Variants in MCTP1 observed in about 807,000 individuals in gnomAD.
The protein encoded by MCTP1 is multiple C2 and transmembrane domain-containing protein 1.
Under a neutral mutation model 120.6 loss-of-function variants are expected in MCTP1, and 69 were observed. The observed-to-expected ratio is 0.57, with a 90% CI of 0.47 to 0.70. MCTP1 has a LOEUF of 0.70. Ranked by LOEUF, MCTP1 falls within the 30% of genes least tolerant of loss-of-function variation. The pLI is 0.00. For synonymous variants in MCTP1, 529 were observed against 493.1 expected (o/e 1.07, Z -0.96); for missense variants, 1,203 against 1,248.8 (o/e 0.96, Z 0.55).
At chr5:94,755,753 G>A (rs1769660011) in intron 19 of MCTP1, among the ~76,000 whole-genome samples, 1 of 152,100 alleles carries the variant, frequency 6.6e-6, no homozygotes, top group African/African-American at 2.4e-5. Context: ...CCACAGAACT[G>A]TCCTCGGCCC....
intron 1 of MCTP1, among the ~76,000 whole-genome samples, chr5:95,173,469 A>T (rs1237366824): frequency 1.3e-5 from 2 of 152,136 alleles, no homozygotes; most frequent in Non-Finnish European, 2.9e-5. Context: ...CTAATAACTC[A>T]CCTCAAGTAT....
chr5:95,115,629 A>T (rs1757770419), intron 1 of MCTP1, among the ~76,000 whole-genome samples: 1 of 152,136 alleles, frequency 6.6e-6, no homozygotes, highest in Non-Finnish European at 1.5e-5. Context: ...GCATGCCTAC[A>T]GATTCTAGAA....
chr5:94,710,278 C>T (rs1756399903), intron 21 of MCTP1: 1 of 152,032 alleles, frequency 6.6e-6, no homozygotes, highest in African/African-American at 2.4e-5. Flanking sequence ...AAAAAAATCA[C>T]CTTTGATGTA....
At chr5:95,062,702 C>T (rs1749553958) in intron 1 of MCTP1, among the ~76,000 whole-genome samples, 1 of 152,208 alleles carries the variant, frequency 6.6e-6, no homozygotes, top group Admixed American at 6.5e-5. Context: ...ATTCAATAGG[C>T]ACACAGAAAT....
At chr5:95,267,607 A>G (rs1479469478) in intron 1 of MCTP1, among the ~76,000 whole-genome samples, 1 of 152,218 alleles carries the variant, frequency 6.6e-6, no homozygotes, top group Non-Finnish European at 1.5e-5. Flanking sequence ...CTACTTCCCT[A>G]TCTCTTTACA....
In MCTP1 at chr5:95,061,408, GTTTTTT is replaced by G. The variant is rs556663513; in HGVS notation, c.721-43930_721-43925del. On this transcript the variant is annotated intron_variant, in intron 1 of 22. Transcript: ENST00000515393. ...ATCAATTTTCACAAACCCCTTAAGG[GTTTTTT>G]TTTTTTTTTTTTTTTTTTTTTTTTT... Among the ~76,000 whole-genome samples the G allele has an allele frequency of 1.9e-3, 62 of 33,462 alleles. 13 individuals are homozygous for G. Among genetic ancestry groups the G allele is most frequent in the Admixed American group, 2.5e-3 (7 of 2,806 alleles). 22.0% of individuals were successfully genotyped at this position (33,462 alleles called of 152,430 possible).
chr5:94,838,476 T>C (rs1935515438), intron 17 of MCTP1, among the ~76,000 whole-genome samples: 2 of 151,980 alleles, frequency 1.3e-5, no homozygotes, highest in South Asian at 4.2e-4. Context: ...CTCTTGGATC[T>C]CCGAGAAGAT....
At chr5:94,896,769 C>A (rs2153409118) in intron 10 of MCTP1, among the ~76,000 whole-genome samples, 1 of 152,252 alleles carries the variant, frequency 6.6e-6, no homozygotes, top group South Asian at 2.1e-4. Context: ...AGTTACTGTT[C>A]CCCATACTGG....
intron 17 of MCTP1, among the ~76,000 whole-genome samples, chr5:94,831,000 C>T (rs1466561486): frequency 2.0e-5 from 3 of 152,046 alleles, no homozygotes; most frequent in Non-Finnish European, 2.9e-5. Flanking sequence ...AAAACATTAA[C>T]AAATTAAAGA....
rs149226614 is a variant in MCTP1, at chr5:95,068,559, T to C, written c.721-51075A>G. ...TAATTTTCTATAGTGTCTAACACTC[T>C]GGGACACTTGGGGAACAGTAAATGT... On this transcript the variant is annotated intron_variant, in intron 1 of 22. Transcript: ENST00000515393. Among the ~76,000 whole-genome samples, 34 of 152,358 alleles carry C rather than the reference T, an allele frequency of 2.2e-4. 1 individual carries two copies. The East Asian group carries it at 6.5e-3, about 29-fold the overall frequency.
intron 21 of MCTP1, chr5:94,710,599 G>T (rs1380766127): frequency 8.8e-6 from 4 of 454,302 alleles, no homozygotes; most frequent in Non-Finnish European, 1.6e-5. Context: ...CATGTTTATA[G>T]TATGATGAAG....
chr5:94,790,405 T>A (rs1251320724), intron 18 of MCTP1, among the ~76,000 whole-genome samples: 1 of 152,198 alleles, frequency 6.6e-6, no homozygotes, highest in Non-Finnish European at 1.5e-5. Flanking sequence ...ATGGATGTTA[T>A]CCCGTGGCTG....
At chr5:95,178,075 T>C (rs975309500) in intron 1 of MCTP1, among the ~76,000 whole-genome samples, 1 of 152,090 alleles carries the variant, frequency 6.6e-6, no homozygotes, top group African/African-American at 2.4e-5. Context: ...GTGACTGCCG[T>C]CTTTCCCCCA....
chr5:95,034,267 G>A (rs1156781628), intron 1 of MCTP1, among the ~76,000 whole-genome samples: 1 of 151,768 alleles, frequency 6.6e-6, no homozygotes, highest in Non-Finnish European at 1.5e-5. Context: ...AATATCCAAA[G>A]CAATCCTAAG....
intron 1 of MCTP1, among the ~76,000 whole-genome samples, chr5:95,197,819 A>G (rs1750563697): frequency 1.3e-5 from 2 of 152,146 alleles, no homozygotes; most frequent in Admixed American, 1.3e-4. Context: ...TCCCACAGAT[A>G]CCAAAATCTA....
chr5:94,866,077 T>C (rs900651286), intron 17 of MCTP1, among the ~76,000 whole-genome samples: 1 of 151,950 alleles, frequency 6.6e-6, no homozygotes, highest in Admixed American at 6.6e-5. Flanking sequence ...TTTGCTACAA[T>C]AGTACTAAGC....
chr5:94,897,667 C>A (rs960374774), intron 10 of MCTP1, among the ~76,000 whole-genome samples: 1 of 152,120 alleles, frequency 6.6e-6, no homozygotes, highest in Admixed American at 6.6e-5. Context: ...ACCCAGCCGA[C>A]TTTTTCCCCC....
At chr5:94,868,747 A>C (rs1439339874) in intron 16 of MCTP1, among the ~76,000 whole-genome samples, 1 of 152,010 alleles carries the variant, frequency 6.6e-6, no homozygotes, top group African/African-American at 2.4e-5. Context: ...TGTTACTTAC[A>C]TACTATGCAC....
At chr5:94,884,356 T>G (rs1351579267) in intron 12 of MCTP1, among the ~76,000 whole-genome samples, 2 of 152,138 alleles carry the variant, frequency 1.3e-5, no homozygotes, top group African/African-American at 4.8e-5. Context: ...AGCTCTTTAT[T>G]AAAAGCACTA....
Sources: gnomAD v4.1 joint callset for allele counts (sites outside exome capture counted in the v4.1 genomes callset) on GRCh38, gnomAD v4.1.1 for gene constraint, MANE v1.5 for transcripts, NCBI Gene and HGNC (gene_info 2026-07-23, HGNC 2026-07-21) for gene names.